The following PTBP3 variants were observed in gnomAD, a reference collection of about 807,000 sequenced individuals.
PTBP3 encodes polypyrimidine tract binding protein 3.
A neutral mutation model predicts 58.7 loss-of-function variants in PTBP3; 20 were observed. The observed-to-expected ratio is 0.34, with a 90% CI of 0.24 to 0.50. The LOEUF is 0.50. PTBP3 is among the 20% of genes least tolerant of loss of function. The pLI is 0.98. For missense variants in PTBP3, 509 were observed against 637.2 expected (o/e 0.80, Z 2.17); for synonymous variants, 185 against 219.8 (o/e 0.84, Z 1.40).
intron 13 of PTBP3, 42 bp downstream of exon 13, chr9:112,224,091 T>C: frequency 1.3e-6 from 2 of 1,548,708 alleles, no homozygotes; most frequent in Non-Finnish European, 1.8e-6. Flanking sequence ...TTGCATACCA[T>C]ATTAAATAAT....
At chr9:112,285,944 T>C (rs1828096088) in intron 2 of PTBP3, among the ~76,000 whole-genome samples, 1 of 152,238 alleles carries the variant, frequency 6.6e-6, no homozygotes, top group African/African-American at 2.4e-5. Context: ...TCTATTTCTG[T>C]TTTGTTCTAT....
At chr9:112,305,467 G>A (rs550067815) in intron 1 of PTBP3, among the ~76,000 whole-genome samples, 2 of 152,076 alleles carry the variant, frequency 1.3e-5, no homozygotes, top group Admixed American at 6.5e-5. Flanking sequence ...AACTGTAAAC[G>A]CCAAGGCTCC....
At chr9:112,300,409 T>A (rs193195097) in intron 1 of PTBP3, among the ~76,000 whole-genome samples, 2 of 152,296 alleles carry the variant, frequency 1.3e-5, no homozygotes, top group East Asian at 3.9e-4. Flanking sequence ...TATACAACAA[T>A]GAGAATGAAC....
At chr9:112,365,433 ACT>A in the PTBP3 span, among the ~76,000 whole-genome samples, 1 of 151,444 alleles carries the variant, frequency 6.6e-6, no homozygotes, top group Non-Finnish European at 1.5e-5. Flanking sequence ...CCTTGCACAC[ACT>A]CTTTCGCTTT....
the PTBP3 span, among the ~76,000 whole-genome samples, chr9:112,361,525 C>A: frequency 7.0e-6 from 1 of 142,680 alleles, no homozygotes; most frequent in Non-Finnish European, 1.5e-5. Flanking sequence ...TGATTCAAAG[C>A]ATTATTTTCA....
In PTBP3 at chr9:112,232,218, G is replaced by A. The variant is rs1202252230; in HGVS notation, c.901C>T (p.Pro301Ser). 4 of 1,605,268 alleles carry A rather than the reference G, an allele frequency of 2.5e-6. No individual in the cohort carries two copies. The highest frequency in any genetic ancestry group is 2.2e-5 in the South Asian group (2 of 89,790). ...ATTGTGAGAGGACCAAGAGCTCCAG[G>A]AACAGCTGGAACTGATAGACCTTTT... ...QATGLSVPAV[P>S]GALGPLTITS... The change falls in exon 9 of 14, where the codon CCT (proline) becomes TCT (serine). Residue 301 changes from proline (P) to serine (S), a missense_variant. Transcript: ENST00000374257.
intron 7 of PTBP3, among the ~76,000 whole-genome samples, chr9:112,240,924 G>A (rs1835633528): frequency 6.6e-6 from 1 of 151,808 alleles, no homozygotes; most frequent in Non-Finnish European, 1.5e-5. Flanking sequence ...TACAGAATAA[G>A]GCTACGAAGA....
At chr9:112,303,389 A>C (rs544743534) in intron 1 of PTBP3, among the ~76,000 whole-genome samples, 1 of 152,230 alleles carries the variant, frequency 6.6e-6, no homozygotes, top group Non-Finnish European at 1.5e-5. Context: ...TCCTGTATGT[A>C]TAATTATCAA....
At chr9:112,306,718 C>T (rs779346488) in intron 1 of PTBP3, among the ~76,000 whole-genome samples, 4 of 151,772 alleles carry the variant, frequency 2.6e-5, no homozygotes, top group Non-Finnish European at 4.4e-5. Flanking sequence ...TGGGTTCAAG[C>T]GATTCTCCTG....
rs1195083226 is a variant in PTBP3 at position 112,256,296 on chromosome 9, T to C, written c.517-3508A>G. The stretch of plus-strand genomic sequence containing the variant: ...AAATATATATATATATATATATACA[T>C]ATATATATATATATTTATCTATCTT... On this transcript the variant is annotated intron_variant, in intron 5 of 13. Transcript: ENST00000374257. Among the ~76,000 whole-genome samples the C allele has an allele frequency of 8.5e-5, 6 of 70,280 alleles. No homozygotes were observed. In the East Asian group the frequency reaches 1.9e-3, roughly 23 times the overall value. 46.1% of individuals were successfully genotyped at this position (70,280 alleles called of 152,430 possible).
chr9:112,373,391 T>C, the PTBP3 span, among the ~76,000 whole-genome samples: 3 of 152,176 alleles, frequency 2.0e-5, no homozygotes, highest in African/African-American at 7.2e-5. Context: ...TTTTCACATT[T>C]TTTCTGCCTG....
At chr9:112,270,095 A>G (rs1827308894) in intron 3 of PTBP3, among the ~76,000 whole-genome samples, 1 of 152,012 alleles carries the variant, frequency 6.6e-6, no homozygotes, top group Admixed American at 6.6e-5. Flanking sequence ...CAAGCGCATG[A>G]TACCACGATC....
At chr9:112,341,835 T>C in the PTBP3 span, among the ~76,000 whole-genome samples, 2 of 152,142 alleles carry the variant, frequency 1.3e-5, no homozygotes, top group Non-Finnish European at 2.9e-5. Context: ...AATATCCACA[T>C]TTGGTTTGGT....
chr9:112,256,151 G>A (rs1334786327), intron 5 of PTBP3, among the ~76,000 whole-genome samples: 4 of 151,442 alleles, frequency 2.6e-5, no homozygotes, highest in Admixed American at 2.6e-4. Context: ...CTACTCAGGA[G>A]GCTGAGGCAG....
At chr9:112,267,924 C>T in intron 4 of PTBP3, 125 bp downstream of exon 4, 1 of 829,838 alleles carries the variant, frequency 1.2e-6, no homozygotes, top group Non-Finnish European at 1.7e-6. Flanking sequence ...TTTACATATA[C>T]AATTATGACT....
In PTBP3 at chr9:112,220,080, C is replaced by T. The variant is rs568158085; in HGVS notation, c.*3771G>A. 1.1e-5 allele frequency: 13 copies of T among 1,192,398 alleles called. No individual in the cohort carries two copies. Among genetic ancestry groups the T allele is most frequent in the South Asian group, 6.3e-5 (4 of 63,900 alleles). The allele number at this position is 1,192,398 out of a possible 1,614,324, so 73.9% of individuals were successfully genotyped here. A position where few individuals can be genotyped will look rare whatever the true frequency, so the allele number is the denominator to read the frequency against. On this transcript the variant is annotated 3_prime_UTR_variant, in exon 14 of 14. Coordinates refer to ENST00000374257, the MANE Select transcript of PTBP3 (RefSeq NM_001163788.4). ...AGGAAAGGCTAAGAAAAATGCTTTA[C>T]GCATCGTCACGCTGTCTCTTTTTGG... is the stretch of plus-strand genomic sequence containing the variant.
chr9:112,252,769 G>C lies in PTBP3; in HGVS notation c.536C>G (p.Thr179Arg). Reference protein sequence around the residue: ...VLHQIFSKFGTVLKIITFTKN... With the variant: ...VLHQIFSKFGRVLKIITFTKN... ...TGTAAAGGTGATAATCTTCAAGACT[G>C]TGCCAAATTTAGAAAATATCTGGAA... is the stretch of plus-strand genomic sequence containing the variant. Residue 179 changes from threonine to arginine, a missense_variant, in exon 6 of 14, where the codon ACA becomes AGA. Physicochemically the swap from Thr to Arg is moderately conservative, Grantham distance 71. Transcript: ENST00000374257. 1 of 1,606,430 alleles carries C rather than the reference G, an allele frequency of 6.2e-7. No homozygotes were observed. Among genetic ancestry groups the C allele is most frequent in the African/African-American group, 1.3e-5 (1 of 74,844 alleles).
At chr9:112,300,842 T>C (rs914870318) in intron 1 of PTBP3, among the ~76,000 whole-genome samples, 4 of 151,772 alleles carry the variant, frequency 2.6e-5, no homozygotes, top group African/African-American at 7.3e-5. Flanking sequence ...CACACCTGTA[T>C]TCCCAGCACT....
chr9:112,346,242 G>C, the PTBP3 span, among the ~76,000 whole-genome samples: 2 of 151,536 alleles, frequency 1.3e-5, no homozygotes, highest in Admixed American at 6.6e-5. Context: ...ATCTCAGCTT[G>C]CTGCAACCTT....
Sources: allele counts gnomAD v4.1 joint callset (sites outside exome capture counted in the v4.1 genomes callset), GRCh38; gene constraint gnomAD v4.1.1; transcripts MANE v1.5; gene names NCBI Gene and HGNC (gene_info 2026-07-23, HGNC 2026-07-21).